HLA-F: variants seen among roughly 807,000 people sequenced by gnomAD.
HLA-F encodes major histocompatibility complex, class I, F.
Under a neutral mutation model 49.5 loss-of-function variants are expected in HLA-F, and 46 were observed. That is an observed-to-expected ratio of 0.93 (90% CI 0.73 to 1.19). HLA-F has a LOEUF of 1.19. Ranked by LOEUF, HLA-F falls within the 50% of genes most tolerant of loss-of-function variation. HLA-F has a pLI of 0.00. For missense variants in HLA-F, 496 were observed against 579.6 expected (o/e 0.86, Z 1.48); for synonymous variants, 203 against 233.5 (o/e 0.87, Z 1.19).
downstream of HLA-F, chr6:29,727,399 TTA>T (rs371631016): frequency 2.1e-3 from 1,007 of 470,610 alleles, 6 homozygotes; most frequent in African/African-American, 0.014. Context: ...TTGCCTTTGG[TTA>T]TGTTTCTTTA....
At chr6:29,733,984 G>A (rs1055369582) in intron 3 of HLA-F, among the ~76,000 whole-genome samples, 2 of 152,146 alleles carry the variant, frequency 1.3e-5, no homozygotes, top group African/African-American at 4.8e-5. Context: ...CTTCATTTGA[G>A]CTCACTGAAA....
intron 6 of HLA-F, 92 bp from the exon 7 acceptor site, chr6:29,726,791 A>ATC (rs1776139108): frequency 6.9e-7 from 1 of 1,443,096 alleles, no homozygotes; most frequent in African/African-American, 1.4e-5. Flanking sequence ...TCAATGTCAC[A>ATC]AACTTCTTCA....
downstream of HLA-F, among the ~76,000 whole-genome samples, chr6:29,730,710 A>T (rs1776498417): frequency 6.6e-6 from 1 of 151,982 alleles, no homozygotes; most frequent in Admixed American, 6.6e-5. Flanking sequence ...ACTGTCCATT[A>T]CTCACACAAA....
Position 29,725,016 on chromosome 6 carries a change from T to C in HLA-F, c.611-15T>C. 6.2e-7 allele frequency: 1 copy of C among 1,610,324 alleles called. No homozygotes were observed. On this transcript the variant is annotated splice_polypyrimidine_tract_variant and intron_variant, in intron 3 of 6. Coordinates refer to ENST00000259951, the MANE Select transcript of HLA-F (RefSeq NM_001098479.2). ...TGAGGAGTGCAAAGTGCCTGAATTT[T>C]CTGACTCTTCTCAGATCCTCCAAAG...
At chr6:29,735,173 A>G (rs1776944555) in intron 3 of HLA-F, 1 of 101,008 alleles carries the variant, frequency 9.9e-6, no homozygotes, top group Admixed American at 1.1e-4. Context: ...ATAGTACTAT[A>G]TATATATGCA....
At chr6:29,727,367 G>T, downstream of HLA-F, 3 of 485,554 alleles carry the variant, frequency 6.2e-6, no homozygotes, top group East Asian at 3.3e-5. Flanking sequence ...TTTATAGCTT[G>T]TTTTCTTAAA....
chr6:29,738,384 GTCT>G (rs1470923874), exon 5 of HLA-F: 6 of 152,160 alleles, frequency 3.9e-5, no homozygotes, highest in African/African-American at 1.4e-4. Context: ...AGGGAGGACT[GTCT>G]TCTTCTCACC....
exon 5 of HLA-F, chr6:29,738,498 C>T (rs934487012): frequency 2.6e-5 from 4 of 152,206 alleles, no homozygotes; most frequent in Non-Finnish European, 5.9e-5. Context: ...AAAATACATA[C>T]TTCATAAATA....
chr6:29,733,033 C>CA (rs1208570115), intron 3 of HLA-F, among the ~76,000 whole-genome samples: 1 of 151,994 alleles, frequency 6.6e-6, no homozygotes, highest in Non-Finnish European at 1.5e-5. Context: ...ACTAAAAATA[C>CA]AAAAAATTTG....
At chr6:29,726,705 A>G (rs1219171670) in intron 6 of HLA-F, 178 bp from the exon 7 acceptor site, 2 of 1,285,928 alleles carry the variant, frequency 1.6e-6, no homozygotes, top group Non-Finnish European at 2.2e-6. Flanking sequence ...CAACCAAAGC[A>G]TCGTAGTCAG....
Position 29,726,591 on chromosome 6 carries a change from A to G in HLA-F, c.1037-292A>G, listed in dbSNP as rs574111490. The G allele has an allele frequency of 2.9e-5, 44 of 1,508,290 alleles. No homozygotes were observed. The East Asian group carries it at 1.0e-3, about 34-fold the overall frequency. The allele number at this position is 1,508,290 out of a possible 1,614,324, so 93.4% of individuals were successfully genotyped here. On this transcript the variant is annotated intron_variant, in intron 6 of 6. Coordinates refer to ENST00000259951, the MANE Select transcript of HLA-F (RefSeq NM_001098479.2). ...TGTGTGTGTGTGTGTGTGAAGAGAAAGAGTGAATAGAGAGATTAAGATTCT... is the reference window on the plus strand; with the variant it reads ...TGTGTGTGTGTGTGTGTGAAGAGAAGGAGTGAATAGAGAGATTAAGATTCT...
Position 29,723,645 on chromosome 6 carries a change from T to A in HLA-F, c.65-13T>A. The A allele has an allele frequency of 6.2e-7, 1 of 1,602,248 alleles. No homozygotes were observed. The highest frequency in any genetic ancestry group is 8.5e-7 in the Non-Finnish European group (1 of 1,174,634). ...GGAGGGTCTGGCGGGTCTCAGCCCC[T>A]CCTCGCCCCCAGGCTCCCACTCCTT... On this transcript the variant is annotated splice_polypyrimidine_tract_variant and intron_variant, in intron 1 of 6. Transcript: ENST00000259951.
chr6:29,736,653 C>A, intron 3 of HLA-F: 1 of 305,988 alleles, frequency 3.3e-6, no homozygotes, highest in Non-Finnish European at 6.3e-6. Context: ...AATCACCCTC[C>A]CCAACCCTAG....
At chr6:29,726,084 TGTGGTCAGGAGCCTATGAGG>T (rs756426162) in intron 6 of HLA-F, 41 bp downstream of exon 6, 6 of 1,595,618 alleles carry the variant, frequency 3.8e-6, no homozygotes. Context: ...GTTGGGATAT[TGTGGTCAGGAGCCTATGAGG>T]GAGCTCACCC....
downstream of HLA-F, chr6:29,728,731 ATCT>A (rs1247901618): frequency 6.6e-6 from 1 of 152,110 alleles, no homozygotes; most frequent in Non-Finnish European, 1.5e-5. Flanking sequence ...AACCCCTCAA[ATCT>A]TAGACCAGGT....
exon 7 of HLA-F, chr6:29,727,293 ATTAT>A: frequency 1.6e-6 from 1 of 630,286 alleles, no homozygotes; most frequent in Non-Finnish European, 2.6e-6. Context: ...ATTCCATAAT[ATTAT>A]TTAAAGTCCT....
downstream of HLA-F, among the ~76,000 whole-genome samples, chr6:29,731,578 G>T (rs1776619701): frequency 1.3e-5 from 2 of 151,952 alleles, no homozygotes; most frequent in Admixed American, 1.3e-4. Flanking sequence ...GTTCTATCTG[G>T]GCCCCTAGGT....
intron 6 of HLA-F, chr6:29,726,399 A>G (rs1489316964): frequency 1.2e-6 from 2 of 1,611,834 alleles, no homozygotes; most frequent in Non-Finnish European, 1.7e-6. Context: ...TATTTTCTCT[A>G]TAGTGTGAGA....
chr6:29,728,352 T>C (rs1446781710), downstream of HLA-F: 1 of 313,462 alleles, frequency 3.2e-6, no homozygotes, highest in Non-Finnish European at 6.3e-6. Flanking sequence ...TAACCTGGGG[T>C]CCAGGAACCC....
Sources: allele counts gnomAD v4.1 joint callset (sites outside exome capture counted in the v4.1 genomes callset), GRCh38; gene constraint gnomAD v4.1.1; transcripts MANE v1.5; gene names NCBI Gene and HGNC (gene_info 2026-07-23, HGNC 2026-07-21).